The following PTPRN2 variants were observed in gnomAD, a reference collection of about 807,000 sequenced individuals.
PTPRN2 encodes protein tyrosine phosphatase receptor type N2.
In PTPRN2, 74 loss-of-function variants were observed where a neutral mutation model predicts 118.8. The ratio of observed to expected loss-of-function variants is 0.62; its 90% confidence interval spans 0.52 to 0.76. PTPRN2 has a LOEUF of 0.76. Ranked by LOEUF, PTPRN2 falls within the 30% of genes least tolerant of loss-of-function variation. The probability of loss-of-function intolerance (pLI) is 0.00; values close to 1 mark genes in which losing one functional copy is unlikely to be tolerated. For synonymous variants in PTPRN2, 641 were observed against 608.0 expected, an observed-to-expected ratio of 1.05 and a Z score of -0.80; for missense variants, 1,481 against 1,394.4, an observed-to-expected ratio of 1.06 and a Z score of -0.99.
rs1050833489 is a variant in PTPRN2 at position 158,022,754 on chromosome 7, C to T, written c.1723+58544G>A. ...CTGCCCACGCCAGAAGGCTTTCCCC[C>T]ACGGAGGCTTCCGCCATGAGTCTGG... On this transcript the variant is annotated intron_variant, in intron 11 of 22. Coordinates refer to ENST00000389418, the MANE Select transcript of PTPRN2 (RefSeq NM_002847.5). The surrounding 1 kb of genome is among the most constrained non-coding windows in gnomAD (Gnocchi z 4.6). Among the ~76,000 whole-genome samples the T allele has an allele frequency of 6.6e-6, 1 of 152,290 alleles. No individual in the cohort carries two copies. The highest frequency in any genetic ancestry group is 1.5e-5 in the Non-Finnish European group (1 of 68,048).
At chr7:158,317,759 T>A (rs80311153) in intron 2 of PTPRN2, among the ~76,000 whole-genome samples, 4,259 of 152,256 alleles carry the variant, frequency 0.028, 200 homozygotes, top group African/African-American at 0.096. Flanking sequence ...TTCACTAGGT[T>A]TCGCCGTGCA....
chr7:158,074,946 A>G (rs1812228953), intron 11 of PTPRN2, among the ~76,000 whole-genome samples: 1 of 152,246 alleles, frequency 6.6e-6, no homozygotes, highest in Admixed American at 6.5e-5. Flanking sequence ...TTGGTTTAGC[A>G]GTATCCCCGA....
At chr7:158,053,940 TCCAGAGATGCAGAGACC>T (rs1221145264) in intron 11 of PTPRN2, among the ~76,000 whole-genome samples, 24 of 74,910 alleles carry the variant, frequency 3.2e-4, no homozygotes, top group Middle Eastern at 0.017. Context: ...ACGCAGAGAC[TCCAGAGATGCAGAGACC>T]CCAGAGATGC....
At position 157,934,265 on chromosome 7, in the gene PTPRN2, C is replaced by T. The variant is rs59641330; in HGVS notation, c.1724-35528G>A. ...TTCTGTGGTTCTCCAGAATATCGGC[C>T]GCTCATTTTAGCATCAATGATTCTT... On this transcript the variant is annotated intron_variant, in intron 11 of 22. Coordinates refer to ENST00000389418, the MANE Select transcript of PTPRN2 (RefSeq NM_002847.5). Among the ~76,000 whole-genome samples, 32 of 152,316 alleles carry T rather than the reference C, an allele frequency of 2.1e-4. No individual in the cohort carries two copies. The East Asian group carries it at 3.1e-3, about 15-fold the overall frequency.
At chr7:158,162,808 A>C (rs908863937) in intron 6 of PTPRN2, among the ~76,000 whole-genome samples, 8 of 152,224 alleles carry the variant, frequency 5.3e-5, no homozygotes, top group African/African-American at 1.9e-4. Context: ...ATATGCGTTC[A>C]GCCCGCAGCC....
intron 11 of PTPRN2, among the ~76,000 whole-genome samples, chr7:158,071,145 TG>T (rs1452570299): frequency 9.3e-5 from 7 of 75,600 alleles, no homozygotes; most frequent in Non-Finnish European, 1.3e-4. Flanking sequence ...GTGCTCGTGG[TG>T]GTGGAGGTGC....
intron 12 of PTPRN2, among the ~76,000 whole-genome samples, chr7:157,809,833 C>A (rs1563132462): frequency 6.6e-6 from 1 of 152,192 alleles, no homozygotes; most frequent in Non-Finnish European, 1.5e-5. Flanking sequence ...GCACTTTGAC[C>A]CCAGGATCCT....
chr7:158,171,300 T>TAC (rs1563555583), intron 5 of PTPRN2, among the ~76,000 whole-genome samples: 2 of 28,122 alleles, frequency 7.1e-5, no homozygotes, highest in African/African-American at 1.2e-4. Context: ...CACACATATA[T>TAC]ATACACACAT....
intron 14 of PTPRN2, among the ~76,000 whole-genome samples, chr7:157,639,508 C>T (rs75044238): frequency 9.2e-5 from 14 of 152,338 alleles, no homozygotes; most frequent in African/African-American, 3.4e-4. Context: ...CCTCCACAGA[C>T]ACGTAGAATG....
intron 2 of PTPRN2, among the ~76,000 whole-genome samples, chr7:158,372,805 T>A (rs947228123): frequency 7.9e-5 from 12 of 152,146 alleles, no homozygotes; most frequent in African/African-American, 2.9e-4. Flanking sequence ...CAGGAAAAAA[T>A]ATATATATTA....
At chr7:157,768,339 T>C (rs1802605407) in intron 12 of PTPRN2, among the ~76,000 whole-genome samples, 1 of 152,152 alleles carries the variant, frequency 6.6e-6, no homozygotes, top group Non-Finnish European at 1.5e-5. Context: ...GCGATCTGAG[T>C]GTGTTCACTG....
chr7:157,621,537 G>A (rs367819949), intron 14 of PTPRN2, 28 bp from the exon 15 acceptor site: 59 of 1,608,040 alleles, frequency 3.7e-5, no homozygotes, highest in East Asian at 3.3e-4. Flanking sequence ...GGTCAGGAGC[G>A]CACCTAGGTG....
chr7:157,680,586 C>A (rs975517994), intron 13 of PTPRN2, among the ~76,000 whole-genome samples: 1 of 152,208 alleles, frequency 6.6e-6, no homozygotes, highest in African/African-American at 2.4e-5. Context: ...CTCACTACTG[C>A]GTCCTGCTCC....
chr7:157,557,467 ACATGCACACACCTATGTG>A (rs1269961306), intron 21 of PTPRN2, among the ~76,000 whole-genome samples: 3 of 150,938 alleles, frequency 2.0e-5, no homozygotes, highest in Non-Finnish European at 3.0e-5. Context: ...TACACCACAC[ACATGCACACACCTATGTG>A]CATGCACACA....
chr7:157,668,107 CGCCTGCTCCTCTGCTGTGCCCAG>C (rs2150772834), intron 13 of PTPRN2, among the ~76,000 whole-genome samples: 1 of 152,260 alleles, frequency 6.6e-6, no homozygotes, highest in East Asian at 1.9e-4. Context: ...GCCGTAGAGC[CGCCTGCTCCTCTGCTGTGCCCAG>C]GCCGGGGCCC....
chr7:157,762,871 G>A (rs1159015810), intron 12 of PTPRN2, among the ~76,000 whole-genome samples: 4 of 152,202 alleles, frequency 2.6e-5, no homozygotes, highest in Admixed American at 6.5e-5. Flanking sequence ...GTGTCCCTGC[G>A]TGTCCAAGGC....
At chr7:157,849,419 CAGA>C (rs1302230113) in intron 12 of PTPRN2, among the ~76,000 whole-genome samples, 1 of 152,206 alleles carries the variant, frequency 6.6e-6, no homozygotes, top group African/African-American at 2.4e-5. Context: ...GGAAGCTCAG[CAGA>C]AGGTCTCCCA....
intron 13 of PTPRN2, among the ~76,000 whole-genome samples, chr7:157,679,103 A>G (rs1031912330): frequency 6.6e-6 from 1 of 152,138 alleles, no homozygotes; most frequent in African/African-American, 2.4e-5. Context: ...GTGTATAAAT[A>G]TATATATACA....
chr7:158,280,694 T>TA (rs202188728), intron 3 of PTPRN2, among the ~76,000 whole-genome samples: 11,468 of 152,260 alleles, frequency 0.075, 478 homozygotes, highest in African/African-American at 0.092. Context: ...TCCACCGTCA[T>TA]TAAACCCCTT....
Sources: gnomAD v4.1 joint callset for allele counts (sites outside exome capture counted in the v4.1 genomes callset) on GRCh38, gnomAD v4.1.1 for gene constraint, Gnocchi (gnomAD v3.1) non-coding constraint, MANE v1.5 for transcripts, NCBI Gene and HGNC (gene_info 2026-07-23, HGNC 2026-07-21) for gene names.